The following MECOM variants were observed in gnomAD, a reference collection of about 807,000 sequenced individuals.
MECOM encodes the protein MDS1 and EVI1 complex locus.
MECOM carries 13 observed loss-of-function variants against 116.3 expected under a neutral mutation model. The observed-to-expected ratio is 0.11, with a 90% CI of 0.07 to 0.18. MECOM has a LOEUF of 0.18. MECOM is among the 10% of genes least tolerant of loss of function. MECOM has a pLI of 1.00. For missense variants in MECOM, 1,299 were observed against 1,509.0 expected (o/e 0.86, Z 2.31); for synonymous variants, 528 against 535.2 (o/e 0.99, Z 0.19).
intron 14 of MECOM, among the ~76,000 whole-genome samples, chr3:169,091,397 A>C (rs1009184266): frequency 2.0e-5 from 3 of 152,124 alleles, no homozygotes; most frequent in Non-Finnish European, 4.4e-5. Flanking sequence ...TGCTGTTTAG[A>C]CATGCTGAAG....
intron 2 of MECOM, among the ~76,000 whole-genome samples, chr3:169,170,026 A>G (rs1262006438): frequency 6.6e-6 from 1 of 152,048 alleles, no homozygotes. Flanking sequence ...ATGCCTACAA[A>G]CTCTCTTTTG....
chr3:169,341,400 T>G (rs1577778770), intron 2 of MECOM, among the ~76,000 whole-genome samples: 2 of 99,244 alleles, frequency 2.0e-5, no homozygotes, highest in African/African-American at 7.7e-5. Flanking sequence ...GTGGGGAGGT[T>G]GGCGGGGGAG....
chr3:169,365,660 T>G (rs1204255690), intron 2 of MECOM, among the ~76,000 whole-genome samples: 2 of 152,002 alleles, frequency 1.3e-5, no homozygotes, highest in African/African-American at 4.8e-5. Flanking sequence ...CCATACTATA[T>G]GGGTATGTTC....
intron 1 of MECOM, among the ~76,000 whole-genome samples, chr3:169,646,077 C>A (rs936003536): frequency 6.6e-6 from 1 of 152,072 alleles, no homozygotes; most frequent in East Asian, 1.9e-4. Context: ...TGAACTCATC[C>A]TTTTTTATGG....
chr3:169,355,565 G>A (rs1727132303), intron 2 of MECOM, among the ~76,000 whole-genome samples: 1 of 151,960 alleles, frequency 6.6e-6, no homozygotes, highest in Non-Finnish European at 1.5e-5. Flanking sequence ...AAACTGCCAT[G>A]TTAAAGTCAA....
At chr3:169,200,459 A>G (rs1748993844) in intron 2 of MECOM, among the ~76,000 whole-genome samples, 1 of 152,076 alleles carries the variant, frequency 6.6e-6, no homozygotes, top group Non-Finnish European at 1.5e-5. Context: ...AACAAGATCT[A>G]GGTTTGTCTA....
intron 1 of MECOM, among the ~76,000 whole-genome samples, chr3:169,569,523 A>G (rs1763634684): frequency 6.6e-6 from 1 of 152,220 alleles, no homozygotes; most frequent in Admixed American, 6.5e-5. Context: ...AATCAACGGA[A>G]TGTACATTCT....
intron 2 of MECOM, among the ~76,000 whole-genome samples, chr3:169,316,982 G>T (rs1159176724): frequency 6.6e-6 from 1 of 152,096 alleles, no homozygotes; most frequent in Non-Finnish European, 1.5e-5. Flanking sequence ...ACAATACTTG[G>T]TAAATTAGAT....
chr3:169,337,472 A>C (rs116828005), intron 2 of MECOM, among the ~76,000 whole-genome samples: 1 of 152,174 alleles, frequency 6.6e-6, no homozygotes, highest in African/African-American at 2.4e-5. Context: ...ACCAACCTCC[A>C]TCTTTTTAAC....
intron 1 of MECOM, among the ~76,000 whole-genome samples, chr3:169,600,715 T>A (rs1767738906): frequency 6.6e-6 from 1 of 152,240 alleles, no homozygotes; most frequent in Admixed American, 6.5e-5. Context: ...CACACATTCT[T>A]AAAATGTTCT....
chr3:169,339,140 A>T (rs182043443), intron 2 of MECOM, among the ~76,000 whole-genome samples: 36 of 152,352 alleles, frequency 2.4e-4, no homozygotes, highest in African/African-American at 8.7e-4. Context: ...GTACGCATTC[A>T]ACAAATGTTA....
intron 2 of MECOM, among the ~76,000 whole-genome samples, chr3:169,230,475 A>G (rs754959): frequency 0.08 from 12,134 of 152,232 alleles, 684 homozygotes; most frequent in East Asian, 0.31. Flanking sequence ...TATCTCCAAG[A>G]TACCAGTTCA....
At chr3:169,261,414 A>C (rs1757516675) in intron 2 of MECOM, among the ~76,000 whole-genome samples, 1 of 152,120 alleles carries the variant, frequency 6.6e-6, no homozygotes, top group African/African-American at 2.4e-5. Flanking sequence ...GAAACAAAAG[A>C]AGGGACAGGC....
chr3:169,615,701 G>C (rs1427139792), intron 1 of MECOM, among the ~76,000 whole-genome samples: 2 of 152,098 alleles, frequency 1.3e-5, no homozygotes, highest in Non-Finnish European at 2.9e-5. Context: ...CTTCTTAAAG[G>C]ACATTATTGG....
chr3:169,619,688 C>T (rs552270347), intron 1 of MECOM, among the ~76,000 whole-genome samples: 2 of 152,300 alleles, frequency 1.3e-5, no homozygotes, highest in East Asian at 1.9e-4. Flanking sequence ...TCCTCCACCC[C>T]CAGGGTTCAG....
intron 1 of MECOM, among the ~76,000 whole-genome samples, chr3:169,599,196 C>T (rs1208994782): frequency 5.3e-5 from 8 of 152,174 alleles, no homozygotes; most frequent in African/African-American, 1.4e-4. Flanking sequence ...TACGCATTAA[C>T]GTGAGCCACA....
chr3:169,294,220 A>G (rs1715157589), intron 2 of MECOM, among the ~76,000 whole-genome samples: 1 of 152,140 alleles, frequency 6.6e-6, no homozygotes, highest in Non-Finnish European at 1.5e-5. Flanking sequence ...AATGTAGAAT[A>G]GTTATATCAC....
intron 2 of MECOM, among the ~76,000 whole-genome samples, chr3:169,182,751 G>A (rs1577276220): frequency 6.6e-6 from 1 of 152,084 alleles, no homozygotes; most frequent in Non-Finnish European, 1.5e-5. Context: ...GCAACGTTAC[G>A]GAAGCTACAG....
chr3:169,248,849 A>C (rs1755912514), intron 2 of MECOM, among the ~76,000 whole-genome samples: 1 of 152,104 alleles, frequency 6.6e-6, no homozygotes, highest in Non-Finnish European at 1.5e-5. Flanking sequence ...CCTCAGAAGA[A>C]ACCAAGCCTG....
Sources: gnomAD v4.1 joint callset for allele counts (sites outside exome capture counted in the v4.1 genomes callset) on GRCh38, gnomAD v4.1.1 for gene constraint, MANE v1.5 for transcripts, NCBI Gene and HGNC (gene_info 2026-07-23, HGNC 2026-07-21) for gene names.